The following PSMD14 variants were observed in gnomAD, a reference collection of about 807,000 sequenced individuals.
The protein encoded by PSMD14 is ubiquitin C-terminal hydrolase PSMD14.
PSMD14 carries 7 observed loss-of-function variants against 41.2 expected under a neutral mutation model. The ratio of observed to expected loss-of-function variants is 0.17; its 90% CI spans 0.10 to 0.32. The LOEUF is 0.32. Among genes scored for constraint, PSMD14 ranks in the 10% least tolerant of loss-of-function variants. The probability of loss-of-function intolerance (pLI) is 1.00; values close to 1 mark genes in which losing one functional copy is unlikely to be tolerated. For synonymous variants in PSMD14, 114 were observed against 122.3 expected, an observed-to-expected ratio of 0.93 and a Z score of 0.45; for missense variants, 139 against 375.6, an observed-to-expected ratio of 0.37 and a Z score of 5.21.
intron 7 of PSMD14, among the ~76,000 whole-genome samples, chr2:161,371,816 T>C (rs896709946): frequency 2.0e-5 from 3 of 152,100 alleles, no homozygotes; most frequent in African/African-American, 7.2e-5. Context: ...CCATTCACGT[T>C]TTTGGAGTGA....
intron 3 of PSMD14, among the ~76,000 whole-genome samples, chr2:161,360,703 A>AT (rs371698952): frequency 6.6e-6 from 1 of 151,318 alleles, no homozygotes; most frequent in Non-Finnish European, 1.5e-5. Flanking sequence ...CACCTAGCTA[A>AT]TTTTTTGTAT....
intron 3 of PSMD14, among the ~76,000 whole-genome samples, chr2:161,322,758 G>A (rs1682627646): frequency 6.6e-6 from 1 of 152,036 alleles, no homozygotes; most frequent in South Asian, 2.1e-4. Flanking sequence ...AATCACAGTT[G>A]ATACTGATAT....
intron 3 of PSMD14, among the ~76,000 whole-genome samples, chr2:161,335,522 C>G (rs1682855822): frequency 6.6e-6 from 1 of 152,256 alleles, no homozygotes; most frequent in Non-Finnish European, 1.5e-5. Context: ...TAGAGATTGT[C>G]TCATCCCATA....
At chr2:161,364,862 G>A (rs1280929045) in intron 3 of PSMD14, among the ~76,000 whole-genome samples, 3 of 152,120 alleles carry the variant, frequency 2.0e-5, no homozygotes, top group Non-Finnish European at 4.4e-5. Flanking sequence ...CTAGCACTTT[G>A]GGAGACTAAG....
chr2:161,340,360 G>A (rs2105241259), intron 3 of PSMD14, among the ~76,000 whole-genome samples: 1 of 152,268 alleles, frequency 6.6e-6, no homozygotes, highest in East Asian at 1.9e-4. Flanking sequence ...GTGAGCACAG[G>A]TGAGCTCTAC....
intron 4 of PSMD14, 66 bp downstream of exon 4, chr2:161,367,615 G>C (rs1018461409): frequency 1.4e-6 from 2 of 1,465,426 alleles, no homozygotes; most frequent in Middle Eastern, 3.5e-4. Flanking sequence ...TTTTACTTTG[G>C]AATATTTGTC....
At chr2:161,382,287 C>T (rs947833462) in intron 7 of PSMD14, 2 of 151,694 alleles carry the variant, frequency 1.3e-5, no homozygotes, top group African/African-American at 4.8e-5. Context: ...TATTTTAGTC[C>T]TCTGTTTTGA....
intron 7 of PSMD14, among the ~76,000 whole-genome samples, chr2:161,372,916 G>T (rs1277680880): frequency 3.3e-5 from 5 of 151,652 alleles, no homozygotes; most frequent in African/African-American, 1.2e-4. Flanking sequence ...GTTCAACTTA[G>T]GTTTTATGAT....
At chr2:161,396,422 A>AT (rs1683795959) in intron 10 of PSMD14, among the ~76,000 whole-genome samples, 1 of 152,202 alleles carries the variant, frequency 6.6e-6, no homozygotes, top group Non-Finnish European at 1.5e-5. Context: ...GTGTATAGAT[A>AT]TACATACAAT....
chr2:161,371,134 G>A (rs765204354), intron 6 of PSMD14, 38 bp from the exon 7 acceptor site: 2 of 1,596,654 alleles, frequency 1.3e-6, no homozygotes, highest in South Asian at 1.1e-5. Flanking sequence ...TGTATTACTT[G>A]TTCTGTTCTG....
At chr2:161,330,478 G>A (rs1377905237) in intron 3 of PSMD14, among the ~76,000 whole-genome samples, 1 of 152,066 alleles carries the variant, frequency 6.6e-6, no homozygotes, top group East Asian at 1.9e-4. Flanking sequence ...TTGCTATTTG[G>A]CACATTGATC....
In PSMD14 at chr2:161,317,879, GA is replaced by G. The variant is rs1490288479; in HGVS notation, c.-4-942del. Among the ~76,000 whole-genome samples the G allele has an allele frequency of 5.3e-5, 8 of 152,176 alleles. No individual in the cohort carries two copies. The East Asian group carries it at 1.5e-3, about 29-fold the overall frequency. On this transcript the variant is annotated intron_variant, in intron 2 of 11. Coordinates refer to ENST00000409682, the MANE Select transcript of PSMD14 (RefSeq NM_005805.6). ...AGAGGAATTTCATTTAGGACATAGC[GA>G]TTTTCAAGTAGAAAAAATTGCTTTG... is the stretch of plus-strand genomic sequence containing the variant.
At chr2:161,403,602 C>T (rs1336935497) in intron 10 of PSMD14, among the ~76,000 whole-genome samples, 1 of 152,134 alleles carries the variant, frequency 6.6e-6, no homozygotes, top group East Asian at 1.9e-4. Flanking sequence ...TGATGACTGA[C>T]TTCTCATTGC....
At chr2:161,331,394 C>G (rs1274857392) in intron 3 of PSMD14, among the ~76,000 whole-genome samples, 2 of 152,058 alleles carry the variant, frequency 1.3e-5, no homozygotes, top group Non-Finnish European at 2.9e-5. Context: ...TCCTGAGTAG[C>G]TGGGACTACA....
rs1268803464 is a variant in PSMD14 at position 161,327,981 on chromosome 2, T to TGTGTGTGTGTGTGTGTGTGTGTGTGA, written c.48+9111_48+9112insTGTGTGTGTGTGTGTGTGTGTGAGTG. On this transcript the variant is annotated intron_variant, in intron 3 of 11. Coordinates refer to ENST00000409682, the MANE Select transcript of PSMD14 (RefSeq NM_005805.6). ...GTGTGTGTGTGTGTGTGTGTGTGTG[T>TGTGTGTGTGTGTGTGTGTGTGTGTGA]GTGAGATGTTGGTTAGGAATTATAG... Among the ~76,000 whole-genome samples the TGTGTGTGTGTGTGTGTGTGTGTGTGA allele has an allele frequency of 1.8e-4, 27 of 149,020 alleles. 1 individual carries two copies. Among genetic ancestry groups the TGTGTGTGTGTGTGTGTGTGTGTGTGA allele is most frequent in the African/African-American group, 6.8e-4 (27 of 39,484 alleles).
At chr2:161,410,152 CA>C (rs1400571743) in intron 11 of PSMD14, among the ~76,000 whole-genome samples, 2 of 152,044 alleles carry the variant, frequency 1.3e-5, no homozygotes, top group Non-Finnish European at 2.9e-5. Flanking sequence ...ATGGCAAAAG[CA>C]AAACTGTCTG....
intron 7 of PSMD14, among the ~76,000 whole-genome samples, chr2:161,372,510 T>C (rs2105258496): frequency 6.6e-6 from 1 of 152,126 alleles, no homozygotes; most frequent in South Asian, 2.1e-4. Context: ...CTATTAGGTG[T>C]GATTTAGCTT....
chr2:161,365,835 A>G (rs1683350446), intron 3 of PSMD14, among the ~76,000 whole-genome samples: 1 of 152,156 alleles, frequency 6.6e-6, no homozygotes, highest in Non-Finnish European at 1.5e-5. Context: ...ATTTTGAAAT[A>G]TACATTATTA....
intron 8 of PSMD14, among the ~76,000 whole-genome samples, chr2:161,389,889 GTTTTTTTTTTTTTT>G (rs1162637393): frequency 5.0e-5 from 1 of 20,044 alleles, no homozygotes; most frequent in African/African-American, 1.5e-4. Flanking sequence ...CTTTTTTGTT[GTTTTTTTTTTTTTT>G]TTTTTTTTTA....
Sources: allele counts gnomAD v4.1 joint callset (sites outside exome capture counted in the v4.1 genomes callset), GRCh38; gene constraint gnomAD v4.1.1; transcripts MANE v1.5; gene names NCBI Gene and HGNC (gene_info 2026-07-23, HGNC 2026-07-21).